Variants in MAGI3 observed in about 807,000 individuals in gnomAD.
MAGI3 encodes membrane associated guanylate kinase, WW and PDZ domain containing 3.
Under a neutral mutation model 121.8 loss-of-function variants are expected in MAGI3, and 43 were observed. That is an observed-to-expected ratio of 0.35 (90% CI 0.28 to 0.46). The LOEUF is 0.46. MAGI3 is among the 20% of genes least tolerant of loss of function. MAGI3 has a pLI of 1.00. For missense variants in MAGI3, 1,547 were observed against 1,797.3 expected (o/e 0.86, Z 2.52); for synonymous variants, 553 against 639.3 (o/e 0.86, Z 2.04).
At chr1:113,568,280 A>T (rs1660517894) in intron 2 of MAGI3, among the ~76,000 whole-genome samples, 1 of 152,090 alleles carries the variant, frequency 6.6e-6, no homozygotes, top group African/African-American at 2.4e-5. Flanking sequence ...TAAGTTTTTT[A>T]AAAATACCTA....
chr1:113,518,549 C>A (rs906843722), intron 1 of MAGI3, among the ~76,000 whole-genome samples: 8 of 151,888 alleles, frequency 5.3e-5, no homozygotes, highest in Non-Finnish European at 2.9e-5. Context: ...ATATTGAAAC[C>A]TTTCAACTAT....
In MAGI3 at chr1:113,642,330, G is replaced by C; in HGVS notation, c.1780G>C (p.Asp594His). The change falls in exon 10 of 21, where the codon GAC (aspartate) becomes CAC (histidine). Residue 594 changes from aspartate to histidine, a missense_variant. Physicochemically the swap from Asp to His is moderately conservative, Grantham distance 81. Coordinates refer to ENST00000307546, the MANE Select transcript of MAGI3 (RefSeq NM_001142782.2). ...TAAAGGGTTTGGGTTTGCAATTGCTGACAGCCCTACTGGACAGAAGGTGAA... is the reference window on the plus strand; with the variant it reads ...TAAAGGGTTTGGGTTTGCAATTGCTCACAGCCCTACTGGACAGAAGGTGAA... ...GPKGFGFAIADSPTGQKVKMI... is the reference protein window; with the variant it reads ...GPKGFGFAIAHSPTGQKVKMI... The C allele has an allele frequency of 1.9e-6, 3 of 1,614,176 alleles. No individual in the cohort carries two copies. Among genetic ancestry groups the C allele is most frequent in the Non-Finnish European group, 2.5e-6 (3 of 1,180,038 alleles).
At chr1:113,416,187 A>ATTATGTAATTAATGACACAT (rs769035340) in intron 1 of MAGI3, among the ~76,000 whole-genome samples, 2,910 of 38,614 alleles carry the variant, frequency 0.075, 605 homozygotes, top group South Asian at 0.24. Context: ...GACACATATT[A>ATTATGTAATTAATGACACAT]ATTATGTAAT....
intron 1 of MAGI3, among the ~76,000 whole-genome samples, chr1:113,543,409 G>C (rs935856320): frequency 6.6e-6 from 1 of 152,188 alleles, no homozygotes; most frequent in Non-Finnish European, 1.5e-5. Context: ...TTATTTTAGT[G>C]TTTTGACTGA....
At chr1:113,515,891 T>C (rs1051980370) in intron 1 of MAGI3, among the ~76,000 whole-genome samples, 6 of 152,086 alleles carry the variant, frequency 3.9e-5, no homozygotes, top group African/African-American at 1.4e-4. Flanking sequence ...GGTTGTTGAA[T>C]TGTACTATTA....
At chr1:113,604,713 C>T (rs1043316436) in intron 6 of MAGI3, among the ~76,000 whole-genome samples, 1 of 150,988 alleles carries the variant, frequency 6.6e-6, no homozygotes, top group African/African-American at 2.4e-5. Flanking sequence ...TTCTAAGTGA[C>T]TCAGGAATGG....
At chr1:113,553,716 A>G (rs942656607) in intron 2 of MAGI3, among the ~76,000 whole-genome samples, 2 of 152,254 alleles carry the variant, frequency 1.3e-5, no homozygotes, top group African/African-American at 4.8e-5. Context: ...AACACTCTTT[A>G]AAGAAAGATA....
intron 1 of MAGI3, among the ~76,000 whole-genome samples, chr1:113,530,437 G>A (rs566650227): frequency 3.9e-5 from 6 of 151,976 alleles, no homozygotes; most frequent in Middle Eastern, 6.8e-3. Flanking sequence ...CAGACACCAG[G>A]GCCTATTTGA....
intron 9 of MAGI3, among the ~76,000 whole-genome samples, chr1:113,638,825 C>A (rs376114340): frequency 6.6e-6 from 1 of 152,152 alleles, no homozygotes; most frequent in African/African-American, 2.4e-5. Context: ...GTCTGTGCCC[C>A]GCCCCCAGAG....
In MAGI3 at chr1:113,642,158, G is replaced by T. The variant is rs752659935; in HGVS notation, c.1608G>T (p.Met536Ile). The change falls in exon 10 of 21, where the codon ATG (methionine) becomes ATT (isoleucine). Residue 536 changes from methionine (M) to isoleucine (I), a missense_variant. By Grantham distance (10) the Met-to-Ile change is conservative. Transcript: ENST00000307546. Reference sequence around the variant, plus strand: ...CTCAGGATTTTAAGCCAGGAGCAATGGTTCTGGAGCAGAATGGAAAATCGG... The same window carrying T: ...CTCAGGATTTTAAGCCAGGAGCAATTGTTCTGGAGCAGAATGGAAAATCGG... Reference protein sequence around the residue: ...MNPQDFKPGAMVLEQNGKSGH... With the variant: ...MNPQDFKPGAIVLEQNGKSGH... 1 of 1,614,174 alleles carries T rather than the reference G, an allele frequency of 6.2e-7. No homozygotes were observed. The highest frequency in any genetic ancestry group is 1.3e-5 in the African/African-American group (1 of 75,048).
chr1:113,560,404 C>CA (rs200874361), intron 2 of MAGI3, among the ~76,000 whole-genome samples: 2,923 of 147,592 alleles, frequency 0.02, 95 homozygotes, highest in African/African-American at 0.066. Flanking sequence ...CAAAAACAAA[C>CA]AAAAAAAACC....
chr1:113,545,839 G>A (rs1332026693), intron 1 of MAGI3, among the ~76,000 whole-genome samples: 1 of 149,692 alleles, frequency 6.7e-6, no homozygotes, highest in Non-Finnish European at 1.5e-5. Context: ...GAATGCTAAC[G>A]TTATGAAGAA....
chr1:113,642,498 T>C lies in MAGI3; in HGVS notation c.1948T>C (p.Leu650=). Residue 650 remains leucine, a synonymous_variant, in exon 10 of 21, where the codon TTG becomes CTG. Coordinates refer to ENST00000307546, the MANE Select transcript of MAGI3 (RefSeq NM_001142782.2). ...GTTTCCAGTAGGTGCTGATGTACCA[T>C]TGCTTATCTTAAGAGGAGGTAAGTA... ...KQFPVGADVP[L]LILRGGPPSP... is the part of the protein sequence containing the mutation. 6.2e-7 allele frequency: 1 copy of C among 1,611,682 alleles called. No homozygotes were observed. Among genetic ancestry groups the C allele is most frequent in the South Asian group, 1.1e-5 (1 of 90,904 alleles).
chr1:113,579,628 G>A (rs1002611159), intron 2 of MAGI3, among the ~76,000 whole-genome samples: 1 of 152,104 alleles, frequency 6.6e-6, no homozygotes, highest in Non-Finnish European at 1.5e-5. Context: ...GTGTAGCTGG[G>A]AAGAAGTAAA....
At chr1:113,604,959 G>A (rs1044611575) in intron 6 of MAGI3, among the ~76,000 whole-genome samples, 77 of 150,224 alleles carry the variant, frequency 5.1e-4, no homozygotes, top group Admixed American at 1.3e-3. Context: ...CTTATACCCT[G>A]ATATAAATAT....
intron 1 of MAGI3, among the ~76,000 whole-genome samples, chr1:113,465,184 T>C (rs113769905): frequency 1.2e-3 from 188 of 152,292 alleles, no homozygotes; most frequent in African/African-American, 4.4e-3. Context: ...TTGTGTTTGG[T>C]GAGAGATAGT....
intron 9 of MAGI3, among the ~76,000 whole-genome samples, chr1:113,639,218 C>T (rs549285052): frequency 2.0e-5 from 3 of 152,362 alleles, no homozygotes; most frequent in South Asian, 2.1e-4. Context: ...TGCTTCAGCT[C>T]GCACACGGTG....
At chr1:113,634,550 T>G (rs1300039952) in intron 9 of MAGI3, among the ~76,000 whole-genome samples, 2 of 152,290 alleles carry the variant, frequency 1.3e-5, no homozygotes, top group African/African-American at 4.8e-5. Context: ...GTTGTAGATG[T>G]GCGGCGTTAT....
At chr1:113,522,038 T>C (rs1658223611) in intron 1 of MAGI3, among the ~76,000 whole-genome samples, 1 of 152,214 alleles carries the variant, frequency 6.6e-6, no homozygotes, top group South Asian at 2.1e-4. Flanking sequence ...GGTGTGGAGC[T>C]TTACTAACTC....
Sources: allele counts gnomAD v4.1 joint callset (sites outside exome capture counted in the v4.1 genomes callset), GRCh38; gene constraint gnomAD v4.1.1; transcripts MANE v1.5; gene names NCBI Gene and HGNC (gene_info 2026-07-23, HGNC 2026-07-21).